SENP1: variants seen among roughly 807,000 people sequenced by gnomAD.
SENP1 encodes the protein SUMO specific peptidase 1.
SENP1 carries 21 observed loss-of-function variants against 93.0 expected under a neutral mutation model. That is an observed-to-expected ratio of 0.23 (90% CI 0.16 to 0.33). The LOEUF is 0.33. Among genes scored for constraint, SENP1 ranks in the 10% least tolerant of loss-of-function variants. The pLI is 1.00. For synonymous variants in SENP1, 256 were observed against 259.6 expected (o/e 0.99, Z 0.13); for missense variants, 591 against 758.7 (o/e 0.78, Z 2.60).
Position 48,065,664 on chromosome 12 carries a change from A to T in SENP1, c.1051T>A (p.Ser351Thr). 2 of 1,556,884 alleles carry T rather than the reference A, an allele frequency of 1.3e-6. No individual in the cohort carries two copies. Among genetic ancestry groups the T allele is most frequent in the Non-Finnish European group, 1.7e-6 (2 of 1,148,802 alleles). ...WIKELTSVYD[S>T]RARERLRQIE... is the part of the protein sequence containing the mutation. ...TGGCGCAATCTTTCTCGTGCTCGAG[A>T]ATCATAAACACTAGTTCTAGAAAAT... The change falls in exon 11 of 18, where the codon TCT (serine) becomes ACT (threonine). Residue 351 changes from serine (S) to threonine (T), a missense_variant. Around this residue, in one of 4 missense-constraint regions of SENP1, gnomAD observed 238 missense variants for 259.1 expected, o/e 0.92. Transcript: ENST00000549518.
chr12:48,055,999 AATAT>A (rs1468505093), intron 13 of SENP1, among the ~76,000 whole-genome samples: 1 of 130,810 alleles, frequency 7.6e-6, no homozygotes, highest in African/African-American at 3.0e-5. Context: ...TATATTATTT[AATAT>A]ATATTTTAAT....
intron 13 of SENP1, among the ~76,000 whole-genome samples, chr12:48,058,007 CG>C (rs1246634153): frequency 7.9e-6 from 1 of 126,136 alleles, no homozygotes; most frequent in African/African-American, 3.1e-5. Context: ...AGTGCAGTGG[CG>C]TGATCTCAGT....
At chr12:48,085,077 A>C in intron 5 of SENP1, 1 of 1,330,230 alleles carries the variant, frequency 7.5e-7, no homozygotes, top group Non-Finnish European at 1.1e-6. Context: ...GGGGAGAAGG[A>C]AGCTCATCGC....
intron 5 of SENP1, among the ~76,000 whole-genome samples, chr12:48,084,453 T>TTTTG (rs1284888212): frequency 6.8e-6 from 1 of 147,986 alleles, no homozygotes; most frequent in Non-Finnish European, 1.5e-5. Flanking sequence ...TTGAGTTTTT[T>TTTTG]TTTTTTTTTT....
chr12:48,057,878 T>G (rs1308120349), intron 13 of SENP1, among the ~76,000 whole-genome samples: 1 of 150,284 alleles, frequency 6.7e-6, no homozygotes, highest in Non-Finnish European at 1.5e-5. Context: ...ATTATAGACG[T>G]GAGCCACTGT....
At position 48,042,906 on chromosome 12, in the gene SENP1, GAA is replaced by G. The variant is rs1328179272; in HGVS notation, c.*2414_*2415del. 6.6e-6 allele frequency: 1 copy of G among 151,850 alleles called. No homozygotes were observed. The highest frequency in any genetic ancestry group is 1.5e-5 in the Non-Finnish European group (1 of 67,944). The allele number at this position is 151,850 out of a possible 1,614,324, so 9.4% of individuals were successfully genotyped here. The stretch of plus-strand genomic sequence containing the variant: ...ACACAGGAGAAAGGGGAACACAGGA[GAA>G]AAAAGTCTTATTTAGTTTAAAGTAA... On this transcript the variant is annotated 3_prime_UTR_variant, in exon 18 of 18. Transcript: ENST00000549518.
At chr12:48,057,332 C>A (rs1051601964) in intron 13 of SENP1, among the ~76,000 whole-genome samples, 1 of 147,270 alleles carries the variant, frequency 6.8e-6, no homozygotes, top group Non-Finnish European at 1.5e-5. Flanking sequence ...CAAGTTCAAG[C>A]GATTCTCGTG....
At chr12:48,088,646 T>C in intron 5 of SENP1, 155 bp downstream of exon 5, 1 of 695,744 alleles carries the variant, frequency 1.4e-6, no homozygotes, top group Non-Finnish European at 2.4e-6. Flanking sequence ...AATGAGAAGT[T>C]GAAAATGTAA....
Position 48,043,678 on chromosome 12 carries a change from C to CA in SENP1, c.*1643dup, listed in dbSNP as rs1294452956. On this transcript the variant is annotated 3_prime_UTR_variant, in exon 18 of 18. Transcript: ENST00000549518. ...GAAAGAGAGAGAAAAAACAAACACA[C>CA]AAAAGGTGGTCTTTCCCCAAAAGGC... 6.6e-6 allele frequency: 1 copy of CA among 152,452 alleles called. No homozygotes were observed. Among genetic ancestry groups the CA allele is most frequent in the Non-Finnish European group, 1.5e-5 (1 of 67,972 alleles). The allele number at this position is 152,452 out of a possible 1,614,324, so 9.4% of individuals were successfully genotyped here. A position where few individuals can be genotyped will look rare whatever the true frequency, so the allele number is the denominator to read the frequency against.
chr12:48,076,808 ATTTT>A (rs573642239), intron 6 of SENP1, among the ~76,000 whole-genome samples: 2 of 144,048 alleles, frequency 1.4e-5, no homozygotes, highest in Non-Finnish European at 3.0e-5. Context: ...ACGCCCAGCC[ATTTT>A]TTTTTATTAT....
At chr12:48,091,436 C>G (rs1322831590) in intron 4 of SENP1, among the ~76,000 whole-genome samples, 1 of 148,758 alleles carries the variant, frequency 6.7e-6, no homozygotes, top group Admixed American at 6.7e-5. Flanking sequence ...GGCGACAGAG[C>G]GAGATTCTGT....
At chr12:48,056,162 T>C (rs1322935900) in intron 13 of SENP1, among the ~76,000 whole-genome samples, 10 of 114,820 alleles carry the variant, frequency 8.7e-5, no homozygotes, top group Admixed American at 6.6e-4. Flanking sequence ...TAATATATAG[T>C]ATATATTATT....
intron 6 of SENP1, among the ~76,000 whole-genome samples, 190 bp from the exon 7 acceptor site, chr12:48,074,983 G>A (rs1316797738): frequency 6.6e-6 from 1 of 151,948 alleles, no homozygotes. Flanking sequence ...AAGCGGGGAG[G>A]ATCATTTGAG....
chr12:48,056,954 ATAT>A (rs1451417675), intron 13 of SENP1, among the ~76,000 whole-genome samples: 1 of 40,770 alleles, frequency 2.5e-5, no homozygotes, highest in Non-Finnish European at 3.4e-5. Flanking sequence ...TACATATATA[ATAT>A]ATTATTTAAT....
At chr12:48,087,832 C>T (rs1045490380) in intron 5 of SENP1, among the ~76,000 whole-genome samples, 1 of 152,110 alleles carries the variant, frequency 6.6e-6, no homozygotes, top group Non-Finnish European at 1.5e-5. Context: ...AAACAGTACA[C>T]TAAATAATCC....
rs191142486 is a variant in SENP1 at position 48,072,558 on chromosome 12, C to G, written c.941-837G>C. Among the ~76,000 whole-genome samples, 250 of 152,194 alleles carry G rather than the reference C, an allele frequency of 1.6e-3. 2 individuals are homozygous for G. Among genetic ancestry groups the G allele is most frequent in the African/African-American group, 5.7e-3 (235 of 41,506 alleles). ...CTTGAACCCAGGACATGCGAGGTTG[C>G]AGTGAACCAAGATGGTCCCACTGTA... On this transcript the variant is annotated intron_variant, in intron 8 of 17. Transcript: ENST00000549518.
chr12:48,047,268 T>G (rs1941439928), intron 15 of SENP1, among the ~76,000 whole-genome samples: 1 of 152,222 alleles, frequency 6.6e-6, no homozygotes, highest in African/African-American at 2.4e-5. Context: ...TCTCTTCTAA[T>G]GTCCACTCTG....
rs1283722357 is a variant in SENP1 at position 48,074,389 on chromosome 12, G to T, written c.875C>A (p.Pro292His). The change falls in exon 8 of 18, where the codon CCC becomes CAC. Residue 292 changes from proline (P) to histidine (H), a missense_variant. Around this residue, in one of 4 missense-constraint regions of SENP1, gnomAD observed 238 missense variants for 259.1 expected, o/e 0.92. Transcript: ENST00000549518. ...ATGTGGAACAGAGTGGTGATGATGG[G>T]GATGATGAAGAGTACCAGAATCTTT... Reference protein sequence around the residue: ...GSKDSGTLHHPHHHHSVPHQP... With the variant: ...GSKDSGTLHHHHHHHSVPHQP... 4.3e-6 allele frequency: 7 copies of T among 1,613,730 alleles called. No homozygotes were observed. The highest frequency in any genetic ancestry group is 5.1e-6 in the Non-Finnish European group (6 of 1,179,734).
At chr12:48,076,973 C>T (rs928333816) in intron 6 of SENP1, among the ~76,000 whole-genome samples, 1 of 152,108 alleles carries the variant, frequency 6.6e-6, no homozygotes, top group African/African-American at 2.4e-5. Flanking sequence ...ACTTGGTCTC[C>T]TTCCACCCTC....
Sources: allele counts gnomAD v4.1 joint callset (sites outside exome capture counted in the v4.1 genomes callset), GRCh38; gene constraint gnomAD v4.1.1; regional missense constraint gnomAD v4.1.1; transcripts MANE v1.5; gene names NCBI Gene and HGNC (gene_info 2026-07-23, HGNC 2026-07-21).